The following BCAS1 variants were observed in gnomAD, a reference collection of about 807,000 sequenced individuals.
The protein encoded by BCAS1 is brain enriched myelin associated protein 1.
A neutral mutation model predicts 65.4 loss-of-function variants in BCAS1; 46 were observed. The observed-to-expected ratio is 0.70, with a 90% confidence interval of 0.55 to 0.90. BCAS1 has a LOEUF of 0.90. Ranked by LOEUF, BCAS1 falls within the 40% of genes least tolerant of loss-of-function variation. The pLI is 0.00. For synonymous variants in BCAS1, 298 were observed against 293.5 expected, an observed-to-expected ratio of 1.02 and a Z score of -0.16; for missense variants, 793 against 771.2, an observed-to-expected ratio of 1.03 and a Z score of -0.33.
intron 12 of BCAS1, among the ~76,000 whole-genome samples, chr20:53,952,167 A>C (rs1409520316): frequency 6.6e-6 from 1 of 152,260 alleles, no homozygotes; most frequent in African/African-American, 2.4e-5. Flanking sequence ...AATTTCAAGT[A>C]ATGTATTCCA....
chr20:54,031,248 T>A (rs78823726), intron 3 of BCAS1, among the ~76,000 whole-genome samples: 1 of 151,534 alleles, frequency 6.6e-6, no homozygotes, highest in African/African-American at 2.4e-5. Context: ...AGTGCCAATA[T>A]GTTGCTTTGA....
At chr20:54,035,810 C>G (rs2091890774) in intron 3 of BCAS1, among the ~76,000 whole-genome samples, 1 of 151,124 alleles carries the variant, frequency 6.6e-6, no homozygotes, top group African/African-American at 2.4e-5. Flanking sequence ...AACCTAAATA[C>G]CCACCAATGA....
chr20:53,976,168 T>A (rs1357197526), intron 8 of BCAS1, among the ~76,000 whole-genome samples: 1 of 152,218 alleles, frequency 6.6e-6, no homozygotes, highest in Non-Finnish European at 1.5e-5. Context: ...AAAGCCACAA[T>A]CATTCTATCA....
At chr20:54,029,424 T>C (rs1481661242) in intron 3 of BCAS1, among the ~76,000 whole-genome samples, 4 of 152,202 alleles carry the variant, frequency 2.6e-5, no homozygotes, top group African/African-American at 7.2e-5. Flanking sequence ...CCGTGCCTCA[T>C]AGGCTGATTA....
At chr20:54,021,207 A>C in intron 4 of BCAS1, among the ~76,000 whole-genome samples, 1 of 152,074 alleles carries the variant, frequency 6.6e-6, no homozygotes, top group Non-Finnish European at 1.5e-5. Context: ...TCTGAGGATA[A>C]ATTTTAGGAA....
At chr20:54,060,027 G>A (rs975790299) in intron 1 of BCAS1, among the ~76,000 whole-genome samples, 4 of 152,108 alleles carry the variant, frequency 2.6e-5, no homozygotes, top group African/African-American at 9.7e-5. Flanking sequence ...AGTTAACATA[G>A]GAACAATAAA....
At chr20:54,036,603 C>T (rs2091904035) in intron 3 of BCAS1, among the ~76,000 whole-genome samples, 1 of 151,208 alleles carries the variant, frequency 6.6e-6, no homozygotes, top group Admixed American at 6.6e-5. Context: ...AGTTTTCTTA[C>T]AAATTGGCAT....
At chr20:53,991,818 T>C (rs2090767560) in intron 7 of BCAS1, among the ~76,000 whole-genome samples, 1 of 152,218 alleles carries the variant, frequency 6.6e-6, no homozygotes, top group South Asian at 2.1e-4. Context: ...GTAGGAAGCA[T>C]ACCATTGGTG....
Position 54,036,650 on chromosome 20 carries a change from G to A in BCAS1, c.143-7678C>T, listed in dbSNP as rs1235688604. On this transcript the variant is annotated intron_variant, in intron 3 of 12. Coordinates refer to ENST00000688948, the MANE Select transcript of BCAS1 (RefSeq NM_001366298.2). The stretch of plus-strand genomic sequence containing the variant: ...TGCCTCCTTCAGAGGGTAATTCTGA[G>A]GATTAAATGAAATATTGCCCATACA... 2.0e-5 allele frequency among the ~76,000 whole-genome samples: 3 copies of A among 151,224 alleles called. 1 individual carries two copies. Among genetic ancestry groups the A allele is most frequent in the Non-Finnish European group, 4.4e-5 (3 of 67,596 alleles).
rs1360385402 is a variant in BCAS1 at position 54,012,375 on chromosome 20, A to C, written c.723+16017T>G. On this transcript the variant is annotated intron_variant, in intron 4 of 12. Coordinates refer to ENST00000688948, the MANE Select transcript of BCAS1 (RefSeq NM_001366298.2). ...TTGTGATATTGCACTACAGGTCTGA[A>C]GATGTTACCGTTGAGTGACGCTGGA... Among the ~76,000 whole-genome samples the C allele has an allele frequency of 3.3e-5, 5 of 152,078 alleles. No individual in the cohort carries two copies. In the East Asian group the frequency reaches 9.7e-4, roughly 29 times the overall value.
intron 7 of BCAS1, among the ~76,000 whole-genome samples, chr20:53,991,466 GT>G (rs1346781775): frequency 1.3e-5 from 2 of 152,164 alleles, no homozygotes; most frequent in African/African-American, 2.4e-5. Context: ...AGGTAGGGAA[GT>G]TTTTTTAATA....
intron 3 of BCAS1, among the ~76,000 whole-genome samples, chr20:54,035,052 T>C (rs1252845549): frequency 1.3e-5 from 2 of 151,208 alleles, no homozygotes; most frequent in African/African-American, 4.8e-5. Context: ...TCCTATTCAA[T>C]AAAAAGTGCT....
intron 4 of BCAS1, among the ~76,000 whole-genome samples, chr20:54,010,352 G>A (rs569790768): frequency 3.6e-4 from 55 of 152,102 alleles, no homozygotes; most frequent in African/African-American, 1.2e-3. Context: ...AAATCCCAAG[G>A]AATCAACAGA....
chr20:54,056,645 G>C (rs145831718), intron 3 of BCAS1, among the ~76,000 whole-genome samples: 4 of 152,036 alleles, frequency 2.6e-5, no homozygotes, highest in African/African-American at 7.2e-5. Flanking sequence ...AATAGTTCAG[G>C]TTCTCAGTCC....
rs2089605557 is a variant in BCAS1 at position 53,953,698 on chromosome 20, A to G, written c.1552-3T>C. The G allele has an allele frequency of 6.2e-7, 1 of 1,605,948 alleles. No individual in the cohort carries two copies. Among genetic ancestry groups the G allele is most frequent in the South Asian group, 1.1e-5 (1 of 90,426 alleles). On this transcript the variant is annotated splice_polypyrimidine_tract_variant and splice_region_variant and intron_variant, in intron 11 of 12. Coordinates refer to ENST00000688948, the MANE Select transcript of BCAS1 (RefSeq NM_001366298.2). Reference sequence around the variant, plus strand: ...GTCTTTTCTGTGGAGTCTGATGTCTACAGCAATTTCAAACAAAGTACATTT... The same window carrying G: ...GTCTTTTCTGTGGAGTCTGATGTCTGCAGCAATTTCAAACAAAGTACATTT...
At chr20:53,970,491 G>T (rs2090151945) in intron 9 of BCAS1, among the ~76,000 whole-genome samples, 1 of 152,156 alleles carries the variant, frequency 6.6e-6, no homozygotes, top group African/African-American at 2.4e-5. Context: ...CCAGGGCTTT[G>T]GAAAAAGTTG....
chr20:54,012,847 T>TAGAGTTGG (rs199523658), intron 4 of BCAS1, among the ~76,000 whole-genome samples: 1,933 of 152,266 alleles, frequency 0.013, 37 homozygotes, highest in African/African-American at 0.044. Context: ...GGTCATAAAG[T>TAGAGTTGG]AGAGTTGGGA....
At position 54,058,672 on chromosome 20, in the gene BCAS1, T is replaced by C; in HGVS notation, c.47A>G (p.Asn16Ser). ...SVPQRVEDQE[N>S]EPEAETYQDN... ...CTGGTAAGTCTCTGCTTCTGGTTCA[T>C]TCTCTTGGTCTTCAACTCTTTGGGG... The change falls in exon 2 of 13, where the codon AAT becomes AGT. Residue 16 changes from asparagine to serine, a missense_variant. By Grantham distance (46) the Asn-to-Ser change is conservative. Coordinates refer to ENST00000688948, the MANE Select transcript of BCAS1 (RefSeq NM_001366298.2). The C allele has an allele frequency of 6.2e-7, 1 of 1,601,916 alleles. No homozygotes were observed.
At position 53,979,320 on chromosome 20, in the gene BCAS1, A is replaced by G. The variant is rs184573371; in HGVS notation, c.1276-3890T>C. 4.6e-5 allele frequency among the ~76,000 whole-genome samples: 7 copies of G among 152,278 alleles called. No individual in the cohort carries two copies. In the East Asian group the frequency reaches 1.2e-3, roughly 25 times the overall value. ...GCAACCTCCAGGGCTTGTGGGAAAT[A>G]GTGGTTCTGGGTAGGGTGCTGGTGG... On this transcript the variant is annotated intron_variant, in intron 8 of 12. Transcript: ENST00000688948.
Sources: gnomAD v4.1 joint callset for allele counts (sites outside exome capture counted in the v4.1 genomes callset) on GRCh38, gnomAD v4.1.1 for gene constraint, MANE v1.5 for transcripts, NCBI Gene and HGNC (gene_info 2026-07-23, HGNC 2026-07-21) for gene names.